LIN7A: variants seen among roughly 807,000 people sequenced by gnomAD.
LIN7A encodes protein lin-7 homolog A.
A neutral mutation model predicts 29.8 loss-of-function variants in LIN7A; 25 were observed. The observed-to-expected ratio is 0.84, with a 90% confidence interval of 0.61 to 1.17. LIN7A has a LOEUF of 1.17. Among genes scored for constraint, LIN7A ranks in the 50% most tolerant of loss-of-function variants. LIN7A has a pLI of 0.00. For synonymous variants in LIN7A, 118 were observed against 107.5 expected (o/e 1.10, Z -0.60); for missense variants, 239 against 287.0 (o/e 0.83, Z 1.21).
chr12:80,811,723 A>G (rs1871303470), intron 4 of LIN7A, 40 bp from the exon 5 acceptor site: 3 of 1,577,748 alleles, frequency 1.9e-6, no homozygotes, highest in Non-Finnish European at 1.7e-6. Flanking sequence ...AGGAGGTTCA[A>G]TGTTCTTTTC....
intron 1 of LIN7A, among the ~76,000 whole-genome samples, chr12:80,897,880 C>G (rs746083106): frequency 3.9e-5 from 6 of 152,050 alleles, no homozygotes; most frequent in African/African-American, 7.2e-5. Context: ...TTATTATTTG[C>G]AAAATCAAAA....
intron 1 of LIN7A, among the ~76,000 whole-genome samples, chr12:80,897,920 GTTGT>G (rs745788496): frequency 2.0e-5 from 3 of 152,122 alleles, no homozygotes; most frequent in Non-Finnish European, 4.4e-5. Flanking sequence ...GATTCTGTAA[GTTGT>G]TTGTTTACTG....
intron 1 of LIN7A, among the ~76,000 whole-genome samples, chr12:80,900,223 T>G (rs1876140739): frequency 6.6e-6 from 1 of 152,172 alleles, no homozygotes; most frequent in Non-Finnish European, 1.5e-5. Context: ...CTCCTGAATT[T>G]GTTGATCTTT....
chr12:80,810,404 TG>T (rs1315632537), intron 5 of LIN7A, among the ~76,000 whole-genome samples: 1 of 107,646 alleles, frequency 9.3e-6, no homozygotes, highest in Non-Finnish European at 2.1e-5. Flanking sequence ...TGTGTGTGTG[TG>T]TGTGTGTGTG....
chr12:80,812,749 C>T (rs1342455290), intron 4 of LIN7A, among the ~76,000 whole-genome samples: 1 of 151,696 alleles, frequency 6.6e-6, no homozygotes, highest in Non-Finnish European at 1.5e-5. Flanking sequence ...TGGCGTTTCA[C>T]TATGTTGGCC....
intron 4 of LIN7A, among the ~76,000 whole-genome samples, chr12:80,839,941 T>C (rs905354145): frequency 1.2e-4 from 19 of 152,350 alleles, no homozygotes; most frequent in African/African-American, 4.6e-4. Flanking sequence ...TAAAGCTAGG[T>C]AAATTCAGCT....
intron 1 of LIN7A, chr12:80,937,363 G>C (rs1022214237): frequency 8.4e-6 from 3 of 355,466 alleles, no homozygotes; most frequent in African/African-American, 2.1e-5. Flanking sequence ...GACCGGAGAC[G>C]ACCCGGCGAG....
At chr12:80,839,729 C>T (rs78871749) in intron 4 of LIN7A, among the ~76,000 whole-genome samples, 8,518 of 152,232 alleles carry the variant, frequency 0.056, 343 homozygotes, top group Non-Finnish European at 0.083. Context: ...CCACACCTGA[C>T]AGCCATTCTG....
chr12:80,851,487 G>A (rs1044749966), intron 2 of LIN7A, among the ~76,000 whole-genome samples: 2 of 151,852 alleles, frequency 1.3e-5, no homozygotes, highest in Non-Finnish European at 2.9e-5. Flanking sequence ...TCCATTAGCT[G>A]TGTCACCTTA....
chr12:80,922,878 A>G (rs1877386343), intron 1 of LIN7A, among the ~76,000 whole-genome samples: 1 of 152,096 alleles, frequency 6.6e-6, no homozygotes, highest in Non-Finnish European at 1.5e-5. Context: ...CCTGCCCATT[A>G]CTGTATAAGA....
At chr12:80,869,441 G>A (rs557571281) in intron 2 of LIN7A, among the ~76,000 whole-genome samples, 22 of 152,082 alleles carry the variant, frequency 1.4e-4, no homozygotes, top group Admixed American at 5.9e-4. Context: ...GGCTGGGGGC[G>A]GATTCATCTT....
intron 2 of LIN7A, among the ~76,000 whole-genome samples, chr12:80,855,493 A>G (rs1206287847): frequency 6.6e-6 from 1 of 152,088 alleles, no homozygotes. Flanking sequence ...TAAAATCTTC[A>G]TTACATTAAA....
chr12:80,863,524 A>G (rs181934156), intron 2 of LIN7A, among the ~76,000 whole-genome samples: 2 of 152,318 alleles, frequency 1.3e-5, no homozygotes, highest in East Asian at 3.9e-4. Flanking sequence ...CAGATTTCCC[A>G]GGCCCTTTGA....
Position 80,928,363 on chromosome 12 carries a change from G to A in LIN7A, c.82+9278C>T, listed in dbSNP as rs1877718341. ...TTCCTATTTCTCCACATCCTCTCCA[G>A]CATCTGTTTCCTGACTTTTTAATGA... On this transcript the variant is annotated intron_variant, in intron 1 of 5. Coordinates refer to ENST00000552864, the MANE Select transcript of LIN7A (RefSeq NM_004664.4). 3.9e-5 allele frequency among the ~76,000 whole-genome samples: 6 copies of A among 152,030 alleles called. No individual in the cohort carries two copies. The South Asian group carries it at 1.2e-3, about 32-fold the overall frequency.
chr12:80,835,284 G>A (rs1487531474), intron 4 of LIN7A, among the ~76,000 whole-genome samples: 3 of 152,112 alleles, frequency 2.0e-5, no homozygotes, highest in Non-Finnish European at 2.9e-5. Context: ...AATTGTGGAA[G>A]CATAAGTCTT....
intron 2 of LIN7A, among the ~76,000 whole-genome samples, chr12:80,870,174 A>C (rs1380292980): frequency 6.6e-6 from 1 of 152,190 alleles, no homozygotes; most frequent in African/African-American, 2.4e-5. Flanking sequence ...AGAATATGTT[A>C]GGGGAAATCT....
intron 5 of LIN7A, among the ~76,000 whole-genome samples, 158 bp from the exon 6 acceptor site, chr12:80,797,884 G>A (rs932375863): frequency 2.0e-5 from 3 of 152,270 alleles, no homozygotes; most frequent in African/African-American, 4.8e-5. Flanking sequence ...GAAAAAATTC[G>A]TTTGATGTTT....
intron 2 of LIN7A, among the ~76,000 whole-genome samples, chr12:80,867,440 A>G (rs1874200708): frequency 6.6e-6 from 1 of 152,194 alleles, no homozygotes; most frequent in Non-Finnish European, 1.5e-5. Context: ...CCTGAGTCAG[A>G]CAGGGGCTAA....
chr12:80,912,862 T>C (rs1876834540), intron 1 of LIN7A, among the ~76,000 whole-genome samples: 1 of 152,206 alleles, frequency 6.6e-6, no homozygotes, highest in South Asian at 2.1e-4. Context: ...TGAGCTCACC[T>C]CCATACCTGC....
Sources: gnomAD v4.1 joint callset for allele counts (sites outside exome capture counted in the v4.1 genomes callset) on GRCh38, gnomAD v4.1.1 for gene constraint, MANE v1.5 for transcripts, NCBI Gene and HGNC (gene_info 2026-07-23, HGNC 2026-07-21) for gene names.